Variants in ARIH1 observed in about 807,000 individuals in gnomAD.
ARIH1 encodes E3 ubiquitin-protein ligase ARIH1.
A neutral mutation model predicts 85.0 loss-of-function variants in ARIH1; 8 were observed. That is an observed-to-expected ratio of 0.09 (90% CI 0.06 to 0.17). The LOEUF (loss-of-function observed/expected upper bound fraction) is 0.17, where lower values mean the gene tolerates loss of function less well. Ranked by LOEUF, ARIH1 falls within the 10% of genes least tolerant of loss-of-function variation. ARIH1 has a pLI of 1.00. For synonymous variants in ARIH1, 238 were observed against 253.6 expected (o/e 0.94, Z 0.59); for missense variants, 311 against 718.1 (o/e 0.43, Z 6.48).
chr15:72,525,554 A>G (rs1482934081), intron 2 of ARIH1, among the ~76,000 whole-genome samples: 3 of 152,234 alleles, frequency 2.0e-5, no homozygotes, highest in Non-Finnish European at 4.4e-5. Flanking sequence ...GGAAAATTAA[A>G]TAAGTGGCAT....
chr15:72,480,877 T>A (rs577124992), intron 1 of ARIH1, among the ~76,000 whole-genome samples: 1 of 152,318 alleles, frequency 6.6e-6, no homozygotes, highest in South Asian at 2.1e-4. Flanking sequence ...TTGTTTTTAA[T>A]CTGGGACTGA....
intron 1 of ARIH1, among the ~76,000 whole-genome samples, chr15:72,489,673 CT>C (rs1448274362): frequency 6.6e-6 from 1 of 152,160 alleles, no homozygotes; most frequent in Admixed American, 6.5e-5. Flanking sequence ...TTTGTGTGTG[CT>C]TTTGACTTGT....
At chr15:72,532,507 A>T (rs1444051990) in intron 2 of ARIH1, among the ~76,000 whole-genome samples, 1 of 152,212 alleles carries the variant, frequency 6.6e-6, no homozygotes. Flanking sequence ...ATTTAATATG[A>T]CAGTAACTTC....
In ARIH1 at chr15:72,583,203, T is replaced by G; in HGVS notation, c.1590-5T>G. 6.2e-7 allele frequency: 1 copy of G among 1,602,288 alleles called. No homozygotes were observed. The highest frequency in any genetic ancestry group is 8.5e-7 in the Non-Finnish European group (1 of 1,174,910). ...AAGTTTTTTTTTTTTTCTCTTTGAT[T>G]ACAGATACTGTGAGAGTCGACGAAG... is the stretch of plus-strand genomic sequence containing the variant. On this transcript the variant is annotated splice_polypyrimidine_tract_variant and splice_region_variant and intron_variant, in intron 13 of 13. Transcript: ENST00000379887.
At position 72,588,891 on chromosome 15, in the gene ARIH1, G is replaced by T. The variant is rs1365663965; in HGVS notation, c.*5599G>T. The T allele has an allele frequency of 1.3e-5, 2 of 152,178 alleles. No individual in the cohort carries two copies. The highest frequency in any genetic ancestry group is 2.9e-5 in the Non-Finnish European group (2 of 68,044). 9.4% of individuals were successfully genotyped at this position (152,178 alleles called of 1,614,324 possible). On this transcript the variant is annotated 3_prime_UTR_variant, in exon 14 of 14. Coordinates refer to ENST00000379887, the MANE Select transcript of ARIH1 (RefSeq NM_005744.5). Reference sequence around the variant, plus strand: ...GAGTCTGAGCAAAGGAAGTTGAGTGGTTATAAGCAAAACTGTCATTAAAGC... The same window carrying T: ...GAGTCTGAGCAAAGGAAGTTGAGTGTTTATAAGCAAAACTGTCATTAAAGC...
chr15:72,516,506 G>T (rs1299661868), intron 1 of ARIH1, among the ~76,000 whole-genome samples: 3 of 152,146 alleles, frequency 2.0e-5, no homozygotes, highest in Non-Finnish European at 4.4e-5. Context: ...ACAAATAAAC[G>T]TATAACTTAG....
At chr15:72,518,268 C>A in intron 2 of ARIH1, 134 bp downstream of exon 2, 1 of 632,744 alleles carries the variant, frequency 1.6e-6, no homozygotes, top group Non-Finnish European at 2.6e-6. Flanking sequence ...CTAGTGACTG[C>A]TTTAATTTCT....
intron 2 of ARIH1, among the ~76,000 whole-genome samples, chr15:72,541,119 T>G (rs2064105304): frequency 6.6e-6 from 1 of 151,906 alleles, no homozygotes; most frequent in African/African-American, 2.4e-5. Context: ...AAGAAACAGG[T>G]GGTGAGGATG....
chr15:72,549,776 ATTC>A (rs774573566), intron 3 of ARIH1, among the ~76,000 whole-genome samples: 6 of 152,222 alleles, frequency 3.9e-5, no homozygotes, highest in Non-Finnish European at 7.3e-5. Flanking sequence ...TTAAGAGTGT[ATTC>A]TTAAGTTTCT....
At chr15:72,554,959 C>T (rs182130134) in intron 3 of ARIH1, among the ~76,000 whole-genome samples, 237 of 152,148 alleles carry the variant, frequency 1.6e-3, no homozygotes, top group African/African-American at 5.5e-3. Context: ...TGCCATGTTG[C>T]CCCGCCTTCA....
chr15:72,513,593 G>A (rs1180568795), intron 1 of ARIH1, among the ~76,000 whole-genome samples: 1 of 151,766 alleles, frequency 6.6e-6, no homozygotes, highest in Non-Finnish European at 1.5e-5. Context: ...CTTTCCTGTA[G>A]TTCCAAGTTT....
Position 72,486,061 on chromosome 15 carries a change from T to C in ARIH1, c.375+11047T>C, listed in dbSNP as rs139153049. ...AAGCCACTTTTATAAAGTCAGTAGA[T>C]TTCTATAATCACTTATGATTTAAGT... On this transcript the variant is annotated intron_variant, in intron 1 of 13. Coordinates refer to ENST00000379887, the MANE Select transcript of ARIH1 (RefSeq NM_005744.5). Among the ~76,000 whole-genome samples the C allele has an allele frequency of 3.2e-3, 485 of 152,282 alleles. 3 individuals carry two copies. Among genetic ancestry groups the C allele is most frequent in the African/African-American group, 0.011 (468 of 41,564 alleles).
At position 72,533,433 on chromosome 15, in the gene ARIH1, T is replaced by G. The variant is rs961029786; in HGVS notation, c.444-11387T>G. On this transcript the variant is annotated intron_variant, in intron 2 of 13. Transcript: ENST00000379887. ...GCCCGTGGGCCCGGCCCCTGGCTGT[T>G]AATATTCACTGACAATGTGATTGTG... 2.0e-5 allele frequency among the ~76,000 whole-genome samples: 3 copies of G among 152,222 alleles called. No individual in the cohort carries two copies. In the East Asian group the frequency reaches 5.8e-4, roughly 29 times the overall value.
chr15:72,514,917 G>T (rs2140409254), intron 1 of ARIH1, among the ~76,000 whole-genome samples: 2 of 152,194 alleles, frequency 1.3e-5, no homozygotes, highest in Admixed American at 1.3e-4. Context: ...AATCCAGGAG[G>T]CAGAGGGTGC....
At chr15:72,577,393 C>T (rs1455841134) in intron 11 of ARIH1, among the ~76,000 whole-genome samples, 1 of 152,036 alleles carries the variant, frequency 6.6e-6, no homozygotes, top group African/African-American at 2.4e-5. Context: ...AGTGGATCAG[C>T]CGGGCCCAGT....
At chr15:72,576,725 G>A (rs1012790665) in intron 11 of ARIH1, among the ~76,000 whole-genome samples, 1 of 151,704 alleles carries the variant, frequency 6.6e-6, no homozygotes, top group African/African-American at 2.4e-5. Flanking sequence ...TTGTTGCTTT[G>A]ATAACAATAT....
At position 72,583,432 on chromosome 15, in the gene ARIH1, T is replaced by C. The variant is rs998082245; in HGVS notation, c.*140T>C. The stretch of plus-strand genomic sequence containing the variant: ...TGTAGTACCAGAATTGTTTTGTTAA[T>C]GGAAAGTTTAAGTAAATTATATTGT... On this transcript the variant is annotated 3_prime_UTR_variant, in exon 14 of 14. Transcript: ENST00000379887. 1 of 582,884 alleles carries C rather than the reference T, an allele frequency of 1.7e-6. No homozygotes were observed. The highest frequency in any genetic ancestry group is 3.0e-6 in the Non-Finnish European group (1 of 336,452). 36.1% of individuals were successfully genotyped at this position (582,884 alleles called of 1,614,324 possible).
chr15:72,533,595 C>G (rs1236428517), intron 2 of ARIH1, among the ~76,000 whole-genome samples: 1 of 151,936 alleles, frequency 6.6e-6, no homozygotes, highest in African/African-American at 2.4e-5. Flanking sequence ...GGTATATATC[C>G]AATAGAAAGA....
chr15:72,496,982 T>C (rs2063882595), intron 1 of ARIH1: 1 of 399,208 alleles, frequency 2.5e-6, no homozygotes, highest in Non-Finnish European at 3.4e-6. Flanking sequence ...TAAATCTTTG[T>C]GGGAAAGTTT....
Sources: allele counts gnomAD v4.1 joint callset (sites outside exome capture counted in the v4.1 genomes callset), GRCh38; gene constraint gnomAD v4.1.1; transcripts MANE v1.5; gene names NCBI Gene and HGNC (gene_info 2026-07-23, HGNC 2026-07-21).